Variants in PLXNA4 observed in about 807,000 individuals in gnomAD.
The protein encoded by PLXNA4 is plexin A4, also known as plexin-A4.
Under a neutral mutation model 191.8 loss-of-function variants are expected in PLXNA4, and 44 were observed. The observed-to-expected ratio is 0.23, with a 90% confidence interval of 0.18 to 0.29. PLXNA4 has a LOEUF of 0.29. Ranked by LOEUF, PLXNA4 falls within the 10% of genes least tolerant of loss-of-function variation. The pLI, the probability that PLXNA4 is intolerant of heterozygous loss-of-function variation, is 1.00. For missense variants in PLXNA4, 1,800 were observed against 2,488.8 expected, an observed-to-expected ratio of 0.72 and a Z score of 5.89; for synonymous variants, 1,082 against 1,009.5, an observed-to-expected ratio of 1.07 and a Z score of -1.36.
intron 3 of PLXNA4, among the ~76,000 whole-genome samples, chr7:132,419,466 G>T (rs1376731962): frequency 6.6e-6 from 1 of 152,170 alleles, no homozygotes; most frequent in Non-Finnish European, 1.5e-5. Context: ...CCATAAGTAA[G>T]ATAAATAATT....
chr7:132,165,641 T>C (rs1796099857), intron 22 of PLXNA4, among the ~76,000 whole-genome samples: 1 of 151,952 alleles, frequency 6.6e-6, no homozygotes, highest in Non-Finnish European at 1.5e-5. Context: ...ATTTAAATAG[T>C]CACATGTGGC....
chr7:132,592,382 C>G (rs531684812), intron 2 of PLXNA4, among the ~76,000 whole-genome samples: 4 of 152,262 alleles, frequency 2.6e-5, no homozygotes, highest in African/African-American at 9.6e-5. Flanking sequence ...CCCAGGAGTC[C>G]TGACACCCGA....
intron 3 of PLXNA4, among the ~76,000 whole-genome samples, chr7:132,345,728 T>A (rs147867755): frequency 6.6e-6 from 1 of 152,236 alleles, no homozygotes; most frequent in East Asian, 1.9e-4. Flanking sequence ...CAAGAGTAAC[T>A]CTTCTGGCAC....
chr7:132,355,925 G>A (rs1384090940), intron 3 of PLXNA4, among the ~76,000 whole-genome samples: 1 of 152,128 alleles, frequency 6.6e-6, no homozygotes, highest in Admixed American at 6.5e-5. Context: ...TCTATAGTAG[G>A]ACAAGGCTGA....
intron 2 of PLXNA4, among the ~76,000 whole-genome samples, chr7:132,632,146 G>A (rs531735876): frequency 6.8e-6 from 1 of 146,674 alleles, no homozygotes; most frequent in Non-Finnish European, 1.5e-5. Context: ...TGAGGCAGGA[G>A]AATTACTTGA....
intron 4 of PLXNA4, among the ~76,000 whole-genome samples, chr7:132,255,589 T>C (rs1209380601): frequency 6.6e-6 from 1 of 152,238 alleles, no homozygotes; most frequent in African/African-American, 2.4e-5. Context: ...TCAGTTACCA[T>C]ATATGTAAGT....
chr7:132,578,886 C>A (rs1585383116), upstream of PLXNA4, among the ~76,000 whole-genome samples: 1 of 152,296 alleles, frequency 6.6e-6, no homozygotes, highest in East Asian at 1.9e-4. Context: ...GAATCCCAGA[C>A]TCTAGATAAA....
intron 4 of PLXNA4, among the ~76,000 whole-genome samples, chr7:132,294,122 T>C (rs544318226): frequency 1.3e-5 from 2 of 152,202 alleles, no homozygotes; most frequent in Non-Finnish European, 2.9e-5. Flanking sequence ...CTAAGTGCTA[T>C]GGATAAAAAT....
chr7:132,167,217 G>A (rs1235746891), intron 22 of PLXNA4, among the ~76,000 whole-genome samples: 1 of 152,228 alleles, frequency 6.6e-6, no homozygotes, highest in Admixed American at 6.5e-5. Context: ...AGCACTGGTA[G>A]AGTGAGAGAG....
At position 132,127,466 on chromosome 7, in the gene PLXNA4, A is replaced by G. The variant is rs2116474073; in HGVS notation, c.*3013T>C. On this transcript the variant is annotated 3_prime_UTR_variant, in exon 32 of 32. Transcript: ENST00000321063. Reference sequence around the variant, plus strand: ...AAGGAAGATCCCTGGGGGAGTTTGGAAAAAAGATTTGGGTGGGGGATGGGG... The same window carrying G: ...AAGGAAGATCCCTGGGGGAGTTTGGGAAAAAGATTTGGGTGGGGGATGGGG... The G allele has an allele frequency of 6.6e-6, 1 of 152,292 alleles. No homozygotes were observed. The highest frequency in any genetic ancestry group is 1.9e-4 in the East Asian group (1 of 5,186). The allele number at this position is 152,292 out of a possible 1,614,324, so 9.4% of individuals were successfully genotyped here.
chr7:132,353,737 T>C (rs1803584273), intron 3 of PLXNA4, among the ~76,000 whole-genome samples: 1 of 152,132 alleles, frequency 6.6e-6, no homozygotes, highest in South Asian at 2.1e-4. Context: ...GGTTCTATGG[T>C]TGAGAGGCAG....
At chr7:132,643,778 A>G (rs1384957402) in intron 2 of PLXNA4, among the ~76,000 whole-genome samples, 1 of 152,036 alleles carries the variant, frequency 6.6e-6, no homozygotes, top group Non-Finnish European at 1.5e-5. Context: ...GCAAGACCCC[A>G]TCTCTATAAA....
chr7:132,387,327 C>T (rs531639862), intron 3 of PLXNA4, among the ~76,000 whole-genome samples: 2 of 152,344 alleles, frequency 1.3e-5, no homozygotes, highest in Admixed American at 6.5e-5. Context: ...TAGAATAGAC[C>T]AGGCTTCTGA....
intron 1 of PLXNA4, among the ~76,000 whole-genome samples, chr7:132,547,937 G>A (rs1323085449): frequency 6.6e-6 from 1 of 152,126 alleles, no homozygotes; most frequent in Non-Finnish European, 1.5e-5. Context: ...GACCAAATTA[G>A]GACAGAAAGC....
At position 132,191,772 on chromosome 7, in the gene PLXNA4, A is replaced by ATCTCTC. The variant is rs145828587; in HGVS notation, c.2856+2284_2856+2289dup. 8.7e-4 allele frequency among the ~76,000 whole-genome samples: 124 copies of ATCTCTC among 142,722 alleles called. 2 individuals carry two copies. The highest frequency in any genetic ancestry group is 7.1e-3 in the Middle Eastern group (2 of 282). 93.6% of individuals were successfully genotyped at this position (142,722 alleles called of 152,430 possible). On this transcript the variant is annotated intron_variant, in intron 14 of 31. Transcript: ENST00000321063. ...GGCGAATGTCATCCCTCCTCTCTCC[A>ATCTCTC]TCTCTCTCTCTCTCTCTCTCTCTGT...
At chr7:132,137,154 T>G (rs1329269570) in intron 30 of PLXNA4, among the ~76,000 whole-genome samples, 3 of 152,252 alleles carry the variant, frequency 2.0e-5, no homozygotes, top group South Asian at 2.1e-4. Context: ...CAGGGTAAGC[T>G]GTCACCATTT....
chr7:132,613,056 G>A (rs567667130), intron 2 of PLXNA4, among the ~76,000 whole-genome samples: 26 of 152,208 alleles, frequency 1.7e-4, no homozygotes, highest in Admixed American at 1.2e-3. Flanking sequence ...AGTCCTTGAC[G>A]CTTCTGAAGT....
intron 1 of PLXNA4, among the ~76,000 whole-genome samples, chr7:132,531,541 A>T (rs1454913759): frequency 6.6e-6 from 1 of 152,216 alleles, no homozygotes; most frequent in Non-Finnish European, 1.5e-5. Flanking sequence ...TTCATCTGGT[A>T]ACTTCCTAGA....
intron 3 of PLXNA4, among the ~76,000 whole-genome samples, chr7:132,389,968 G>A (rs1805329476): frequency 6.6e-6 from 1 of 152,178 alleles, no homozygotes; most frequent in African/African-American, 2.4e-5. Context: ...CACTGTTGGT[G>A]GGAGTGTAAA....
Sources: allele counts gnomAD v4.1 joint callset (sites outside exome capture counted in the v4.1 genomes callset), GRCh38; gene constraint gnomAD v4.1.1; transcripts MANE v1.5; gene names NCBI Gene and HGNC (gene_info 2026-07-23, HGNC 2026-07-21).